The following TMEM232 variants were observed in gnomAD, a reference collection of about 807,000 sequenced individuals.
TMEM232 encodes the protein transmembrane protein 232.
Under a neutral mutation model 78.8 loss-of-function variants are expected in TMEM232, and 80 were observed. That is an observed-to-expected ratio of 1.01 (90% CI 0.85 to 1.22). The LOEUF (loss-of-function observed/expected upper bound fraction) is 1.22, where lower values mean the gene tolerates loss of function less well. Ranked by LOEUF, TMEM232 falls within the 50% of genes most tolerant of loss-of-function variation. The pLI, the probability that TMEM232 is intolerant of heterozygous loss-of-function variation, is 0.00. For synonymous variants in TMEM232, 297 were observed against 254.3 expected (o/e 1.17, Z -1.60); for missense variants, 881 against 742.2 (o/e 1.19, Z -2.17).
intron 2 of TMEM232, among the ~76,000 whole-genome samples, chr5:110,660,922 C>T (rs1221246562): frequency 6.6e-6 from 1 of 152,150 alleles, no homozygotes; most frequent in Non-Finnish European, 1.5e-5. Flanking sequence ...TGCTCTTAAA[C>T]ACTAGAACTT....
Position 110,438,183 on chromosome 5 carries a change from T to C in TMEM232, c.1704-13267A>G, listed in dbSNP as rs561882632. Among the ~76,000 whole-genome samples, 21 of 121,308 alleles carry C rather than the reference T, an allele frequency of 1.7e-4. No individual in the cohort carries two copies. In the East Asian group the frequency reaches 5.1e-3, roughly 30 times the overall value. The allele number at this position is 121,308 out of a possible 152,430, so 79.6% of individuals were successfully genotyped here. ...TTTCCCTTTTGGGCATTCAGTATTT[T>C]GAGTAAATTCAACTCCAAACCTGCT... On this transcript the variant is annotated intron_variant, in intron 12 of 13. Coordinates refer to ENST00000455884, the MANE Select transcript of TMEM232 (RefSeq NM_001039763.4).
At chr5:110,706,745 A>G (rs1191756844) in intron 1 of TMEM232, among the ~76,000 whole-genome samples, 1 of 152,206 alleles carries the variant, frequency 6.6e-6, no homozygotes, top group Middle Eastern at 3.2e-3. Flanking sequence ...CGCCTAAAGA[A>G]ATAATCCCAA....
At chr5:110,459,176 C>T (rs773056365) in intron 12 of TMEM232, among the ~76,000 whole-genome samples, 5 of 152,020 alleles carry the variant, frequency 3.3e-5, no homozygotes, top group Admixed American at 1.3e-4. Flanking sequence ...ATGCTATTAC[C>T]TTGGAAATAT....
At chr5:110,506,986 G>A (rs1766982623) in intron 12 of TMEM232, among the ~76,000 whole-genome samples, 1 of 152,024 alleles carries the variant, frequency 6.6e-6, no homozygotes, top group South Asian at 2.1e-4. Context: ...TGACCAAGTG[G>A]TACTAAAACT....
At chr5:110,626,895 C>T (rs1176140910) in intron 6 of TMEM232, among the ~76,000 whole-genome samples, 1 of 152,006 alleles carries the variant, frequency 6.6e-6, no homozygotes, top group Non-Finnish European at 1.5e-5. Context: ...TTTTCCTGGG[C>T]CCTGTTACAC....
chr5:110,506,664 A>T (rs1374524507), intron 12 of TMEM232, among the ~76,000 whole-genome samples: 4 of 152,174 alleles, frequency 2.6e-5, no homozygotes, highest in African/African-American at 7.2e-5. Flanking sequence ...AAATATAAGG[A>T]ATCACTTTGT....
At chr5:110,553,873 T>G (rs1774754864) in intron 11 of TMEM232, among the ~76,000 whole-genome samples, 1 of 152,114 alleles carries the variant, frequency 6.6e-6, no homozygotes, top group African/African-American at 2.4e-5. Context: ...GACTCTTATT[T>G]TGAGGTATGT....
chr5:110,421,407 A>G (rs1259985777), intron 13 of TMEM232, among the ~76,000 whole-genome samples: 1 of 151,634 alleles, frequency 6.6e-6, no homozygotes. Context: ...ATCAAACATC[A>G]TCATGAAAAA....
intron 1 of TMEM232, chr5:110,720,705 T>G (rs1054099484): frequency 6.6e-6 from 1 of 152,168 alleles, no homozygotes; most frequent in Non-Finnish European, 1.5e-5. Flanking sequence ...TACCTTGCCT[T>G]CAAGTAAATT....
intron 12 of TMEM232, among the ~76,000 whole-genome samples, chr5:110,469,422 G>C (rs1203677449): frequency 3.9e-5 from 6 of 152,190 alleles, no homozygotes; most frequent in African/African-American, 1.2e-4. Context: ...ACTCATGCCA[G>C]TCATGGCTGT....
At chr5:110,732,738 C>A (rs543913857) in intron 2 of TMEM232, among the ~76,000 whole-genome samples, 1 of 152,154 alleles carries the variant, frequency 6.6e-6, no homozygotes, top group African/African-American at 2.4e-5. Context: ...ATATCAGATA[C>A]CTCTCTTCAT....
chr5:110,605,466 C>G, intron 9 of TMEM232, 108 bp from the exon 10 acceptor site: 2 of 1,260,598 alleles, frequency 1.6e-6, no homozygotes, highest in Non-Finnish European at 2.1e-6. Flanking sequence ...ACTAATATAT[C>G]TAAATGTGTT....
intron 10 of TMEM232, among the ~76,000 whole-genome samples, chr5:110,594,747 T>C (rs1009174752): frequency 6.6e-6 from 1 of 152,174 alleles, no homozygotes; most frequent in Non-Finnish European, 1.5e-5. Context: ...TCCTCCTCAC[T>C]GGGCAGGTAA....
At chr5:110,717,332 G>T (rs912855051) in intron 1 of TMEM232, among the ~76,000 whole-genome samples, 5 of 152,124 alleles carry the variant, frequency 3.3e-5, no homozygotes, top group African/African-American at 1.2e-4. Context: ...AGATCTGAAT[G>T]AGTTCAGTTT....
intron 11 of TMEM232, among the ~76,000 whole-genome samples, chr5:110,564,041 G>A (rs577723672): frequency 2.0e-5 from 3 of 152,016 alleles, no homozygotes; most frequent in African/African-American, 7.2e-5. Flanking sequence ...AGATACTTGG[G>A]GTTGCCAGTA....
Position 110,602,670 on chromosome 5 carries a change from T to C in TMEM232, c.1276+2439A>G, listed in dbSNP as rs142621858. Among the ~76,000 whole-genome samples the C allele has an allele frequency of 5.4e-3, 822 of 152,206 alleles. 4 individuals carry two copies. The highest frequency in any genetic ancestry group is 7.1e-3 in the African/African-American group (297 of 41,558). On this transcript the variant is annotated intron_variant, in intron 10 of 13. Coordinates refer to ENST00000455884, the MANE Select transcript of TMEM232 (RefSeq NM_001039763.4). ...AGATGCTGGAGAGGATCTGGAGAAA[T>C]AGGAATGCTTTTACACTGTTGGTGG...
At chr5:110,528,965 A>C in intron 11 of TMEM232, 130 bp from the exon 12 acceptor site, 1 of 938,838 alleles carries the variant, frequency 1.1e-6, no homozygotes, top group Non-Finnish European at 1.4e-6. Context: ...TGTTAAGTAA[A>C]AATAATCTTT....
intron 1 of TMEM232, among the ~76,000 whole-genome samples, chr5:110,670,043 C>G (rs996802724): frequency 6.6e-6 from 1 of 152,136 alleles, no homozygotes; most frequent in African/African-American, 2.4e-5. Flanking sequence ...TGGGCAAAAA[C>G]TGGAAGCATT....
intron 12 of TMEM232, among the ~76,000 whole-genome samples, chr5:110,491,924 C>T (rs941336065): frequency 1.2e-4 from 18 of 151,502 alleles, no homozygotes; most frequent in Non-Finnish European, 2.2e-4. Context: ...CATTATATAT[C>T]AATAAATTTC....
Sources: gnomAD v4.1 joint callset for allele counts (sites outside exome capture counted in the v4.1 genomes callset) on GRCh38, gnomAD v4.1.1 for gene constraint, MANE v1.5 for transcripts, NCBI Gene and HGNC (gene_info 2026-07-23, HGNC 2026-07-21) for gene names.